TBC1D16: variants seen among roughly 807,000 people sequenced by gnomAD.
TBC1D16 encodes CTD-2529O21.1.
A neutral mutation model predicts 74.7 loss-of-function variants in TBC1D16; 58 were observed. That is an observed-to-expected ratio of 0.78 (90% CI 0.63 to 0.97). The LOEUF (loss-of-function observed/expected upper bound fraction) is 0.97. Ranked by LOEUF, TBC1D16 falls within the 50% of genes least tolerant of loss-of-function variation. The probability of loss-of-function intolerance (pLI) is 0.00; values close to 1 mark genes in which losing one functional copy is unlikely to be tolerated. For missense variants in TBC1D16, 1,014 were observed against 1,079.5 expected, an observed-to-expected ratio of 0.94 and a Z score of 0.85; for synonymous variants, 493 against 474.7, an observed-to-expected ratio of 1.04 and a Z score of -0.50.
chr17:79,975,891 C>T lies in TBC1D16; in HGVS notation c.780-23073G>A, dbSNP rs1042816076. On this transcript the variant is annotated intron_variant, in intron 3 of 11. Coordinates refer to ENST00000310924, the MANE Select transcript of TBC1D16 (RefSeq NM_019020.4). This position sits in a 1 kb window ranked among gnomAD's most constrained non-coding sequence, Gnocchi z 4.5. The stretch of plus-strand genomic sequence containing the variant: ...GGCTTCAGGATGGCAGCAGCAGCTC[C>T]GGCAGGCGGCTCTCCAGGCCACGAG... Among the ~76,000 whole-genome samples the T allele has an allele frequency of 3.3e-5, 5 of 152,302 alleles. No homozygotes were observed. Among genetic ancestry groups the T allele is most frequent in the South Asian group, 2.1e-4 (1 of 4,824 alleles).
chr17:80,029,265 C>T (rs1047069875), intron 1 of TBC1D16, among the ~76,000 whole-genome samples: 6 of 151,990 alleles, frequency 3.9e-5, no homozygotes, highest in African/African-American at 1.2e-4. Context: ...AAGGTGAAGA[C>T]GTGGGAAACC....
At chr17:79,973,452 G>A (rs1050062036) in intron 3 of TBC1D16, among the ~76,000 whole-genome samples, 1 of 152,190 alleles carries the variant, frequency 6.6e-6, no homozygotes, top group Non-Finnish European at 1.5e-5. Context: ...GCTTACGCCT[G>A]TAATCCCAGC....
intron 1 of TBC1D16, among the ~76,000 whole-genome samples, chr17:80,020,004 T>G (rs1291909372): frequency 1.3e-5 from 2 of 149,872 alleles, no homozygotes; most frequent in Non-Finnish European, 1.5e-5. Flanking sequence ...CAAGTTACCT[T>G]GAGGTCAATA....
Position 79,981,969 on chromosome 17 carries a change from T to G in TBC1D16, c.779+28191A>C, listed in dbSNP as rs2034602883. Reference sequence around the variant, plus strand: ...TATTAAAGCAAAAGTGAGATTGTGCTGTCAACATTGTGTTACGCCTGGAAT... The same window carrying G: ...TATTAAAGCAAAAGTGAGATTGTGCGGTCAACATTGTGTTACGCCTGGAAT... On this transcript the variant is annotated intron_variant, in intron 3 of 11. Coordinates refer to ENST00000310924, the MANE Select transcript of TBC1D16 (RefSeq NM_019020.4). This position sits in a 1 kb window ranked among gnomAD's most constrained non-coding sequence, Gnocchi z 6.9. 2.6e-5 allele frequency among the ~76,000 whole-genome samples: 4 copies of G among 152,214 alleles called. No homozygotes were observed. In the South Asian group the frequency reaches 8.3e-4, roughly 32 times the overall value.
chr17:80,005,688 G>A (rs921360693), intron 3 of TBC1D16, among the ~76,000 whole-genome samples: 2 of 152,158 alleles, frequency 1.3e-5, no homozygotes, highest in African/African-American at 2.4e-5. Context: ...TTTCCAGGCC[G>A]TCGCTGGACT....
chr17:79,942,317 G>A, intron 10 of TBC1D16, 111 bp from the exon 11 acceptor site: 2 of 1,233,798 alleles, frequency 1.6e-6, no homozygotes, highest in Non-Finnish European at 2.2e-6. Context: ...CGAGGGGTCT[G>A]GGCTCACAGC....
rs1291163501 is a variant in TBC1D16, at chr17:79,941,638, A to AG, written c.2055+421dup. On this transcript the variant is annotated intron_variant, in intron 11 of 11. Coordinates refer to ENST00000310924, the MANE Select transcript of TBC1D16 (RefSeq NM_019020.4). This position sits in a 1 kb window ranked among gnomAD's most constrained non-coding sequence, Gnocchi z 4.3. ...CCAGGAGGCGTCTGGGAAGTGGGGG[A>AG]GGGGGCCAAAGCCCAAGGTCCCCAG... is the stretch of plus-strand genomic sequence containing the variant. Among the ~76,000 whole-genome samples the AG allele has an allele frequency of 2.0e-5, 3 of 152,042 alleles. No homozygotes were observed. Among genetic ancestry groups the AG allele is most frequent in the Non-Finnish European group, 4.4e-5 (3 of 67,992 alleles).
At position 79,940,801 on chromosome 17, in the gene TBC1D16, C is replaced by G; in HGVS notation, c.*58G>C. Reference sequence around the variant, plus strand: ...CTTCACGCCCAGCCCCACCCCCTCCCGTGCCCAGGGCCTCTGAGGAGGTCC... The same window carrying G: ...CTTCACGCCCAGCCCCACCCCCTCCGGTGCCCAGGGCCTCTGAGGAGGTCC... On this transcript the variant is annotated 3_prime_UTR_variant, in exon 12 of 12. Coordinates refer to ENST00000310924, the MANE Select transcript of TBC1D16 (RefSeq NM_019020.4). This position sits in a 1 kb window ranked among gnomAD's most constrained non-coding sequence, Gnocchi z 5.4. The G allele has an allele frequency of 6.9e-7, 1 of 1,455,322 alleles. No individual in the cohort carries two copies. The highest frequency in any genetic ancestry group is 9.1e-7 in the Non-Finnish European group (1 of 1,097,524). The allele number at this position is 1,455,322 out of a possible 1,614,324, so 90.2% of individuals were successfully genotyped here. A position where few individuals can be genotyped will look rare whatever the true frequency, so the allele number is the denominator to read the frequency against.
chr17:79,995,985 A>G (rs528189935), intron 3 of TBC1D16, among the ~76,000 whole-genome samples: 3 of 152,332 alleles, frequency 2.0e-5, no homozygotes, highest in East Asian at 1.9e-4. Flanking sequence ...TGCAATCCTC[A>G]TATCTAGCAA....
chr17:79,941,958 CG>C lies in TBC1D16; in HGVS notation c.2055+101del. The C allele has an allele frequency of 9.4e-7, 1 of 1,067,828 alleles. No individual in the cohort carries two copies. Among genetic ancestry groups the C allele is most frequent in the East Asian group, 2.8e-5 (1 of 35,744 alleles). The allele number at this position is 1,067,828 out of a possible 1,614,324, so 66.1% of individuals were successfully genotyped here. ...CATGGTGGGGATGGGGCTCTGGGGG[CG>C]GGGCCCACATCTGGGGCAGCCTCAC... On this transcript the variant is annotated intron_variant, in intron 11 of 11. Coordinates refer to ENST00000310924, the MANE Select transcript of TBC1D16 (RefSeq NM_019020.4). This position sits in a 1 kb window ranked among gnomAD's most constrained non-coding sequence, Gnocchi z 4.3.
At chr17:80,020,714 C>T (rs1388623710) in intron 1 of TBC1D16, among the ~76,000 whole-genome samples, 4 of 150,252 alleles carry the variant, frequency 2.7e-5, no homozygotes, top group Non-Finnish European at 5.9e-5. Context: ...CATTTTAATA[C>T]ATAAATCTTC....
intron 1 of TBC1D16, among the ~76,000 whole-genome samples, chr17:80,015,155 C>T (rs1312853589): frequency 2.6e-5 from 4 of 152,170 alleles, no homozygotes; most frequent in African/African-American, 9.7e-5. Context: ...CACAGCTGGG[C>T]ACAATGACTC....
In TBC1D16 at chr17:80,010,840, G is replaced by T; in HGVS notation, c.182-83C>A. The T allele has an allele frequency of 9.5e-7, 1 of 1,051,072 alleles. No homozygotes were observed. Among genetic ancestry groups the T allele is most frequent in the Non-Finnish European group, 1.3e-6 (1 of 760,482 alleles). 65.1% of individuals were successfully genotyped at this position (1,051,072 alleles called of 1,614,324 possible). On this transcript the variant is annotated intron_variant, in intron 2 of 11. Transcript: ENST00000310924. The surrounding 1 kb of genome is among the most constrained non-coding windows in gnomAD (Gnocchi z 8.8). Reference sequence around the variant, plus strand: ...TGTGGTACCTTTGGCGAGCTGCTCGGAGAGGCCACTGCCCTTTAGTAAAGT... The same window carrying T: ...TGTGGTACCTTTGGCGAGCTGCTCGTAGAGGCCACTGCCCTTTAGTAAAGT...
Position 79,940,701 on chromosome 17 carries a change from T to G in TBC1D16, c.*158A>C, listed in dbSNP as rs1421266961. ...CTTCTGTCACTTCCAGACTCTAATT[T>G]TGTCATTAATATGAAAAGGTTCCTC... On this transcript the variant is annotated 3_prime_UTR_variant, in exon 12 of 12. Coordinates refer to ENST00000310924, the MANE Select transcript of TBC1D16 (RefSeq NM_019020.4). The surrounding 1 kb of genome is among the most constrained non-coding windows in gnomAD (Gnocchi z 5.4). The G allele has an allele frequency of 1.1e-6, 1 of 895,464 alleles. No individual in the cohort carries two copies. Among genetic ancestry groups the G allele is most frequent in the African/African-American group, 1.7e-5 (1 of 59,098 alleles). 55.5% of individuals were successfully genotyped at this position (895,464 alleles called of 1,614,324 possible).
chr17:79,977,001 TAAAAC>T, intron 3 of TBC1D16, among the ~76,000 whole-genome samples: 1 of 152,252 alleles, frequency 6.6e-6, no homozygotes, highest in East Asian at 1.9e-4. Flanking sequence ...TCTGGTGACT[TAAAAC>T]AAAAGTGTCA....
intron 1 of TBC1D16, among the ~76,000 whole-genome samples, chr17:80,032,562 G>A (rs1002432768): frequency 6.6e-6 from 1 of 152,112 alleles, no homozygotes; most frequent in South Asian, 2.1e-4. Flanking sequence ...AACATCAGGT[G>A]CTCAAAGGAC....
intron 1 of TBC1D16, among the ~76,000 whole-genome samples, chr17:80,022,124 A>G (rs1289933277): frequency 1.3e-5 from 2 of 149,660 alleles, no homozygotes; most frequent in Admixed American, 6.6e-5. Context: ...ATTTTCTTCT[A>G]TGTTCAATGA....
rs770454634 is a variant in TBC1D16, at chr17:79,940,901, C to T, written c.2262G>A (p.Lys754=). ...AGCCGTCCTGCGGCGTCTTTGGGCC[C>T]TTCTTGCCTTCCCTCAGGGACTTGG... The part of the protein sequence containing the change: ...PSPKSLREGK[K]GPKTPQDGFG... The change falls in exon 12 of 12, where the codon AAG becomes AAA. Residue 754 remains lysine (K), a synonymous_variant. Transcript: ENST00000310924. The surrounding 1 kb of genome is among the most constrained non-coding windows in gnomAD (Gnocchi z 5.4). 5 of 1,582,392 alleles carry T rather than the reference C, an allele frequency of 3.2e-6. No individual in the cohort carries two copies. Among genetic ancestry groups the T allele is most frequent in the Non-Finnish European group, 4.3e-6 (5 of 1,159,796 alleles).
At chr17:80,015,656 T>A (rs1470762267) in intron 1 of TBC1D16, among the ~76,000 whole-genome samples, 1 of 152,126 alleles carries the variant, frequency 6.6e-6, no homozygotes, top group Non-Finnish European at 1.5e-5. Flanking sequence ...ATGATAAGAA[T>A]TAGCAACTGG....
Sources: allele counts gnomAD v4.1 joint callset (sites outside exome capture counted in the v4.1 genomes callset), GRCh38; gene constraint gnomAD v4.1.1; non-coding constraint Gnocchi (gnomAD v3.1); transcripts MANE v1.5; gene names NCBI Gene and HGNC (gene_info 2026-07-23, HGNC 2026-07-21).